Variants in GMDS observed in about 807,000 individuals in gnomAD.
The protein encoded by GMDS is GDP-mannose 4,6 dehydratase.
GMDS carries 20 observed loss-of-function variants against 49.9 expected under a neutral mutation model. The ratio of observed to expected loss-of-function variants is 0.40; its 90% CI spans 0.28 to 0.58. GMDS has a LOEUF of 0.58. GMDS is among the 20% of genes least tolerant of loss of function. The probability of loss-of-function intolerance (pLI) is 0.42; values close to 1 mark genes in which losing one functional copy is unlikely to be tolerated. For missense variants in GMDS, 362 were observed against 481.4 expected, an observed-to-expected ratio of 0.75 and a Z score of 2.32; for synonymous variants, 177 against 178.6, an observed-to-expected ratio of 0.99 and a Z score of 0.07.
At chr6:2,205,153 C>T (rs1420443555) in intron 1 of GMDS, among the ~76,000 whole-genome samples, 1 of 152,092 alleles carries the variant, frequency 6.6e-6, no homozygotes, top group African/African-American at 2.4e-5. Flanking sequence ...TTAATAACAC[C>T]ATTTTACAAA....
intron 9 of GMDS, among the ~76,000 whole-genome samples, chr6:1,692,889 G>C (rs1034324375): frequency 6.6e-6 from 1 of 152,104 alleles, no homozygotes; most frequent in Non-Finnish European, 1.5e-5. Flanking sequence ...TCTTGTTTAG[G>C]GGATATATTT....
At chr6:2,091,874 C>T (rs546009760) in intron 4 of GMDS, among the ~76,000 whole-genome samples, 11 of 151,104 alleles carry the variant, frequency 7.3e-5, no homozygotes, top group South Asian at 2.1e-4. Flanking sequence ...CCAACCTGGG[C>T]GACAGAGCAA....
intron 4 of GMDS, among the ~76,000 whole-genome samples, chr6:2,001,723 G>C (rs572796402): frequency 6.6e-6 from 1 of 152,174 alleles, no homozygotes; most frequent in Admixed American, 6.5e-5. Flanking sequence ...CATGAGTCCA[G>C]AAAAAAACCC....
chr6:2,055,997 A>G (rs1770754823), intron 4 of GMDS, among the ~76,000 whole-genome samples: 1 of 152,142 alleles, frequency 6.6e-6, no homozygotes, highest in Non-Finnish European at 1.5e-5. Context: ...TAATACATCT[A>G]ATTATTAGCA....
chr6:2,053,735 T>A (rs926826811), intron 4 of GMDS, among the ~76,000 whole-genome samples: 8 of 151,986 alleles, frequency 5.3e-5, no homozygotes, highest in Non-Finnish European at 1.0e-4. Flanking sequence ...GAGAAAAATT[T>A]TTTCCAGTTC....
intron 4 of GMDS, among the ~76,000 whole-genome samples, chr6:1,989,752 T>G (rs1452891462): frequency 6.6e-6 from 1 of 152,188 alleles, no homozygotes; most frequent in Non-Finnish European, 1.5e-5. Flanking sequence ...ACAATCACAC[T>G]CCTGGCTAGC....
rs116830059 is a variant in GMDS, at chr6:1,839,509, G to A, written c.771+90594C>T. Reference sequence around the variant, plus strand: ...GTCATTCTAGATACTTTATGGAGCTGAGCCCAAGCACTGTGGCTTTGACAT... The same window carrying A: ...GTCATTCTAGATACTTTATGGAGCTAAGCCCAAGCACTGTGGCTTTGACAT... On this transcript the variant is annotated intron_variant, in intron 7 of 10. Coordinates refer to ENST00000380815, the MANE Select transcript of GMDS (RefSeq NM_001500.4). Among the ~76,000 whole-genome samples, 921 of 152,170 alleles carry A rather than the reference G, an allele frequency of 6.1e-3. 9 individuals carry two copies. The highest frequency in any genetic ancestry group is 0.021 in the African/African-American group (864 of 41,514).
chr6:2,037,715 C>A (rs1033253440), intron 4 of GMDS, among the ~76,000 whole-genome samples: 1 of 152,000 alleles, frequency 6.6e-6, no homozygotes, highest in African/African-American at 2.4e-5. Flanking sequence ...GAAGTGGTTG[C>A]TTGGGATTTG....
chr6:2,081,215 A>C (rs1201962892), intron 4 of GMDS, among the ~76,000 whole-genome samples: 1 of 152,150 alleles, frequency 6.6e-6, no homozygotes, highest in African/African-American at 2.4e-5. Context: ...GGAAAAAAAA[A>C]CAAAACAAAA....
chr6:1,901,104 C>T (rs1340650977), intron 7 of GMDS, among the ~76,000 whole-genome samples: 2 of 152,224 alleles, frequency 1.3e-5, no homozygotes, highest in East Asian at 1.9e-4. Flanking sequence ...GTGCCTGCAC[C>T]TGCTTTCCAG....
At chr6:1,795,481 T>C (rs1367397311) in intron 7 of GMDS, among the ~76,000 whole-genome samples, 1 of 152,228 alleles carries the variant, frequency 6.6e-6, no homozygotes, top group African/African-American at 2.4e-5. Context: ...TATGCATATA[T>C]TTCTCTTAAA....
rs556783234 is a variant in GMDS, at chr6:1,960,689, T to C, written c.538+85A>G. On this transcript the variant is annotated intron_variant, in intron 5 of 10. Coordinates refer to ENST00000380815, the MANE Select transcript of GMDS (RefSeq NM_001500.4). ...CCCAAATGACTTCAGCTGTGAGACA[T>C]GAACAGAATGAAAGGAAAAACACAC... 5 of 849,736 alleles carry C rather than the reference T, an allele frequency of 5.9e-6. No homozygotes were observed. In the East Asian group the frequency reaches 1.2e-4, roughly 21 times the overall value. 52.6% of individuals were successfully genotyped at this position (849,736 alleles called of 1,614,324 possible).
intron 4 of GMDS, among the ~76,000 whole-genome samples, chr6:1,995,441 T>A (rs1298317176): frequency 1.3e-5 from 2 of 152,074 alleles, no homozygotes; most frequent in Non-Finnish European, 2.9e-5. Flanking sequence ...AGGGATTCTA[T>A]CAAAAACTCC....
At chr6:1,756,040 T>A (rs951711074) in intron 7 of GMDS, among the ~76,000 whole-genome samples, 6 of 152,166 alleles carry the variant, frequency 3.9e-5, no homozygotes, top group African/African-American at 1.2e-4. Flanking sequence ...GCAGAATCTA[T>A]AAGGAACTTA....
chr6:1,781,497 C>T (rs2113610956), intron 7 of GMDS, among the ~76,000 whole-genome samples: 1 of 152,360 alleles, frequency 6.6e-6, no homozygotes, highest in South Asian at 2.1e-4. Flanking sequence ...CAGGCCACTG[C>T]TCCCACTGGG....
chr6:2,135,527 A>G (rs541183841), intron 1 of GMDS, among the ~76,000 whole-genome samples: 5 of 151,102 alleles, frequency 3.3e-5, no homozygotes, highest in Non-Finnish European at 6.0e-5. Context: ...GAAAATAAGA[A>G]TAAGATGCAT....
At chr6:2,172,474 C>T (rs111395757) in intron 1 of GMDS, among the ~76,000 whole-genome samples, 4,169 of 152,140 alleles carry the variant, frequency 0.027, 76 homozygotes, top group East Asian at 0.058. Flanking sequence ...AGGTGGATCA[C>T]GAGGTCAGGA....
intron 7 of GMDS, among the ~76,000 whole-genome samples, chr6:1,816,044 G>C (rs906430215): frequency 1.3e-5 from 2 of 152,192 alleles, no homozygotes; most frequent in African/African-American, 4.8e-5. Flanking sequence ...GGAAGTAAAC[G>C]AGCACGCATG....
At chr6:2,073,523 T>C (rs1269227465) in intron 4 of GMDS, among the ~76,000 whole-genome samples, 2 of 152,210 alleles carry the variant, frequency 1.3e-5, no homozygotes, top group Non-Finnish European at 2.9e-5. Flanking sequence ...TCCTCTCTTC[T>C]AGCTGCTCTG....
Sources: gnomAD v4.1 joint callset for allele counts (sites outside exome capture counted in the v4.1 genomes callset) on GRCh38, gnomAD v4.1.1 for gene constraint, MANE v1.5 for transcripts, NCBI Gene and HGNC (gene_info 2026-07-23, HGNC 2026-07-21) for gene names.